Variants in ANKFN1 observed in about 807,000 individuals in gnomAD.
ANKFN1 encodes ankyrin repeat and fibronectin type-III domain-containing protein 1.
In ANKFN1, 74 loss-of-function variants were observed where a neutral mutation model predicts 108.7. The ratio of observed to expected loss-of-function variants is 0.68; its 90% confidence interval spans 0.56 to 0.83. The LOEUF (loss-of-function observed/expected upper bound fraction) is 0.83, where lower values mean the gene tolerates loss of function less well. Among genes scored for constraint, ANKFN1 ranks in the 40% least tolerant of loss-of-function variants. The pLI, the probability that ANKFN1 is intolerant of heterozygous loss-of-function variation, is 0.00. For missense variants in ANKFN1, 1,505 were observed against 1,382.3 expected (o/e 1.09, Z -1.41); for synonymous variants, 547 against 516.2 (o/e 1.06, Z -0.81).
chr17:56,482,484 C>T lies in ANKFN1; in HGVS notation c.2220C>T (p.His740=). 3.1e-6 allele frequency: 5 copies of T among 1,613,308 alleles called. No homozygotes were observed. Among genetic ancestry groups the T allele is most frequent in the Non-Finnish European group, 4.2e-6 (5 of 1,179,564 alleles). ...APGQNNPYTP[H]SGFLNLPLQM... Reference sequence around the variant, plus strand: ...GACAGAATAATCCTTACACCCCACACTCAGGGTTTCTTAACCTCCCTCTTC... The same window carrying T: ...GACAGAATAATCCTTACACCCCACATTCAGGGTTTCTTAACCTCCCTCTTC... The change falls in exon 18 of 21, where the codon CAC becomes CAT. Residue 740 remains histidine, a synonymous_variant. Transcript: ENST00000682825.
intron 3 of ANKFN1, among the ~76,000 whole-genome samples, chr17:56,262,139 G>T (rs894344338): frequency 3.3e-5 from 5 of 152,158 alleles, no homozygotes; most frequent in African/African-American, 1.2e-4. Context: ...CAGGTTGAAA[G>T]ACTTGGTAGC....
At chr17:56,418,797 G>C (rs1229740653) in intron 8 of ANKFN1, among the ~76,000 whole-genome samples, 1 of 138,142 alleles carries the variant, frequency 7.2e-6, no homozygotes, top group Non-Finnish European at 1.5e-5. Context: ...TACTTTCTAA[G>C]TTAAAAAAAA....
chr17:56,258,275 T>G (rs1452962170), intron 3 of ANKFN1: 1 of 152,206 alleles, frequency 6.6e-6, no homozygotes, highest in Non-Finnish European at 1.5e-5. Flanking sequence ...AAACTAGAAA[T>G]GTTCGCCCTC....
At chr17:56,060,313 G>C (rs1320243838) in intron 4 of ANKFN1, among the ~76,000 whole-genome samples, 2 of 152,140 alleles carry the variant, frequency 1.3e-5, no homozygotes, top group African/African-American at 2.4e-5. Flanking sequence ...TTGCTTCTCA[G>C]TTTAAGGAGT....
At chr17:56,487,433 G>T (rs780359542) in intron 18 of ANKFN1, among the ~76,000 whole-genome samples, 7 of 152,028 alleles carry the variant, frequency 4.6e-5, no homozygotes, top group Non-Finnish European at 1.0e-4. Flanking sequence ...GACCTTGTGG[G>T]TGCTCACAAC....
intron 1 of ANKFN1, among the ~76,000 whole-genome samples, chr17:56,159,105 G>A (rs575019405): frequency 6.7e-6 from 1 of 149,680 alleles, no homozygotes; most frequent in African/African-American, 2.5e-5. Flanking sequence ...GGAAGAAGAA[G>A]TAGAAGAAGA....
chr17:56,211,745 T>C (rs1915030334), intron 1 of ANKFN1, among the ~76,000 whole-genome samples: 1 of 152,238 alleles, frequency 6.6e-6, no homozygotes, highest in South Asian at 2.1e-4. Flanking sequence ...GAGCATGTGA[T>C]GTGTTTCCAT....
In ANKFN1 at chr17:56,513,800, C is replaced by A. The variant is rs1462660858; in HGVS notation, c.*2531C>A. 6.6e-6 allele frequency among the ~76,000 whole-genome samples: 1 copy of A among 152,166 alleles called. No individual in the cohort carries two copies. Among genetic ancestry groups the A allele is most frequent in the Admixed American group, 6.5e-5 (1 of 15,284 alleles). On this transcript the variant is annotated 3_prime_UTR_variant, in exon 21 of 21. Coordinates refer to ENST00000682825, the MANE Select transcript of ANKFN1 (RefSeq NM_001370326.1). The stretch of plus-strand genomic sequence containing the variant: ...ATAATGCATGTTACATTTTAATGGG[C>A]ATAGTTAAATCAATTGAAAATGCAT...
At chr17:56,254,241 T>G (rs2043304431) in intron 3 of ANKFN1, 1 of 152,232 alleles carries the variant, frequency 6.6e-6, no homozygotes, top group African/African-American at 2.4e-5. Context: ...ATTTATACTA[T>G]TCTGGAGCAC....
At chr17:56,366,173 A>G (rs561318513) in intron 6 of ANKFN1, among the ~76,000 whole-genome samples, 1 of 152,178 alleles carries the variant, frequency 6.6e-6, no homozygotes, top group Admixed American at 6.5e-5. Flanking sequence ...AATTTTTTTT[A>G]ATTTTTTAAA....
intron 20 of ANKFN1, among the ~76,000 whole-genome samples, chr17:56,500,396 TA>T (rs1374985182): frequency 2.6e-5 from 3 of 116,964 alleles, no homozygotes; most frequent in African/African-American, 4.9e-5. Flanking sequence ...ACTTACCAAA[TA>T]ACAAAATATT....
intron 4 of ANKFN1, among the ~76,000 whole-genome samples, chr17:56,055,438 T>C (rs1425820821): frequency 6.2e-5 from 5 of 81,130 alleles, no homozygotes; most frequent in Non-Finnish European, 1.8e-4. Flanking sequence ...TATCCCATTA[T>C]GTCTGTGTGT....
rs113727242 is a variant in ANKFN1, at chr17:56,433,850, C to A, written c.911-6477C>A. ...GGAAATAAAAAAAAAAAAACTGTAA[C>A]AGTCACAGAAATATTTAGTCTGCAT... is the stretch of plus-strand genomic sequence containing the variant. On this transcript the variant is annotated intron_variant, in intron 8 of 20. Transcript: ENST00000682825. Among the ~76,000 whole-genome samples, 17 of 151,370 alleles carry A rather than the reference C, an allele frequency of 1.1e-4. 2 individuals are homozygous for A. The highest frequency in any genetic ancestry group is 4.1e-4 in the African/African-American group (17 of 41,102).
chr17:56,170,807 T>TATACACACACACACACACAC lies in ANKFN1; in HGVS notation c.-71+17278_-71+17279insTACACACACACACACACACA, dbSNP rs1361307404. Among the ~76,000 whole-genome samples the TATACACACACACACACACAC allele has an allele frequency of 4.1e-4, 25 of 61,450 alleles. No homozygotes were observed. In the East Asian group the frequency reaches 4.9e-3, roughly 12 times the overall value. 40.3% of individuals were successfully genotyped at this position (61,450 alleles called of 152,430 possible). ...ATATATATATATATATATATATATA[T>TATACACACACACACACACAC]ACACACACACACACACACACACACA... is the stretch of plus-strand genomic sequence containing the variant. On this transcript the variant is annotated intron_variant, in intron 1 of 20. Transcript: ENST00000682825.
At chr17:56,379,283 C>A (rs60229149) in intron 8 of ANKFN1, among the ~76,000 whole-genome samples, 16,508 of 151,712 alleles carry the variant, frequency 0.11, 2,961 homozygotes, top group African/African-American at 0.38. Flanking sequence ...CCTGTAGTCC[C>A]AGCTACTCAG....
At chr17:56,327,124 T>G (rs982109816) in intron 4 of ANKFN1, among the ~76,000 whole-genome samples, 2 of 152,206 alleles carry the variant, frequency 1.3e-5, no homozygotes, top group African/African-American at 4.8e-5. Flanking sequence ...TAATCAAGAC[T>G]GAATTTGCTT....
intron 4 of ANKFN1, among the ~76,000 whole-genome samples, chr17:56,061,774 T>C (rs965523347): frequency 1.3e-5 from 2 of 152,248 alleles, no homozygotes; most frequent in African/African-American, 2.4e-5. Context: ...TGCTCTGATC[T>C]TAGCTAGCTT....
chr17:56,299,435 A>G (rs748769624), intron 3 of ANKFN1, among the ~76,000 whole-genome samples: 3 of 152,200 alleles, frequency 2.0e-5, no homozygotes, highest in Non-Finnish European at 4.4e-5. Context: ...TTCCTCCTAC[A>G]TAAAGCCTCC....
chr17:56,189,722 G>A (rs2143684200), intron 1 of ANKFN1, among the ~76,000 whole-genome samples: 1 of 152,206 alleles, frequency 6.6e-6, no homozygotes, highest in South Asian at 2.1e-4. Flanking sequence ...ACATTCACAG[G>A]TTTCAGATAT....
Sources: allele counts gnomAD v4.1 joint callset (sites outside exome capture counted in the v4.1 genomes callset), GRCh38; gene constraint gnomAD v4.1.1; transcripts MANE v1.5; gene names NCBI Gene and HGNC (gene_info 2026-07-23, HGNC 2026-07-21).